Variants in KCNH7 observed in about 807,000 individuals in gnomAD.
KCNH7 encodes potassium voltage-gated channel subfamily H member 7, also known as voltage-gated inwardly rectifying potassium channel KCNH7.
Under a neutral mutation model 120.8 loss-of-function variants are expected in KCNH7, and 49 were observed. That is an observed-to-expected ratio of 0.41 (90% CI 0.32 to 0.51). The LOEUF (loss-of-function observed/expected upper bound fraction) is 0.51, where lower values mean the gene tolerates loss of function less well. Ranked by LOEUF, KCNH7 falls within the 20% of genes least tolerant of loss-of-function variation. The probability of loss-of-function intolerance (pLI) is 0.38; values close to 1 mark genes in which losing one functional copy is unlikely to be tolerated. For synonymous variants in KCNH7, 547 were observed against 516.1 expected (o/e 1.06, Z -0.81); for missense variants, 1,097 against 1,446.6 (o/e 0.76, Z 3.92).
intron 9 of KCNH7, among the ~76,000 whole-genome samples, chr2:162,404,828 A>T (rs1196900238): frequency 1.3e-5 from 2 of 152,060 alleles, no homozygotes; most frequent in Non-Finnish European, 2.9e-5. Flanking sequence ...CACTATGCTA[A>T]GCATGGGAGC....
At chr2:162,732,074 C>T (rs1476080845) in intron 2 of KCNH7, among the ~76,000 whole-genome samples, 1 of 152,116 alleles carries the variant, frequency 6.6e-6, no homozygotes, top group Non-Finnish European at 1.5e-5. Flanking sequence ...GGATACCTTG[C>T]TCTCCTCTGT....
chr2:162,541,315 C>G (rs1692295426), intron 2 of KCNH7, among the ~76,000 whole-genome samples: 1 of 151,972 alleles, frequency 6.6e-6, no homozygotes, highest in Non-Finnish European at 1.5e-5. Flanking sequence ...TGACCTGAGT[C>G]TGGAGGCACC....
At chr2:162,412,306 T>A (rs1364895825) in intron 9 of KCNH7, among the ~76,000 whole-genome samples, 1 of 152,052 alleles carries the variant, frequency 6.6e-6, no homozygotes, top group African/African-American at 2.4e-5. Flanking sequence ...TTGAACTGGA[T>A]TTTGTTTTTT....
intron 7 of KCNH7, among the ~76,000 whole-genome samples, chr2:162,439,007 G>A (rs1255392666): frequency 6.6e-6 from 1 of 152,062 alleles, no homozygotes; most frequent in Non-Finnish European, 1.5e-5. Flanking sequence ...TTACCTGCAA[G>A]TGAAACAGGA....
At chr2:162,722,116 G>T (rs970343638) in intron 2 of KCNH7, among the ~76,000 whole-genome samples, 2 of 151,844 alleles carry the variant, frequency 1.3e-5, no homozygotes, top group African/African-American at 4.8e-5. Flanking sequence ...ATAAGCACAC[G>T]GGATGAAAGA....
intron 6 of KCNH7, among the ~76,000 whole-genome samples, chr2:162,462,980 AC>A (rs1364146577): frequency 4.6e-5 from 7 of 152,086 alleles, no homozygotes; most frequent in African/African-American, 1.7e-4. Flanking sequence ...AAATTCAGTT[AC>A]TAAGTAGCCT....
chr2:162,780,427 A>G lies in KCNH7; in HGVS notation c.307+56110T>C, dbSNP rs1407421036. 5.9e-5 allele frequency among the ~76,000 whole-genome samples: 9 copies of G among 152,264 alleles called. No individual in the cohort carries two copies. In the East Asian group the frequency reaches 1.4e-3, roughly 23 times the overall value. On this transcript the variant is annotated intron_variant, in intron 2 of 15. Transcript: ENST00000332142. ...TCCTAATCATTTACTACCACTACAA[A>G]AAGTGATGCACTGAATAACAGCGTG...
At chr2:162,488,016 G>C (rs1212167160) in intron 6 of KCNH7, among the ~76,000 whole-genome samples, 2 of 152,188 alleles carry the variant, frequency 1.3e-5, no homozygotes, top group Non-Finnish European at 2.9e-5. Flanking sequence ...TGAACTATGT[G>C]TTTGTCCCAA....
At chr2:162,380,847 C>T (rs1686393689) in intron 13 of KCNH7, among the ~76,000 whole-genome samples, 1 of 152,122 alleles carries the variant, frequency 6.6e-6, no homozygotes, top group African/African-American at 2.4e-5. Flanking sequence ...TTGAAGAATT[C>T]AGTCTAGCAG....
At chr2:162,429,863 C>T (rs1443754022) in intron 8 of KCNH7, among the ~76,000 whole-genome samples, 1 of 151,010 alleles carries the variant, frequency 6.6e-6, no homozygotes, top group Non-Finnish European at 1.5e-5. Flanking sequence ...AAATTTCTAT[C>T]ATTAAAAAAA....
At chr2:162,432,172 T>A (rs955792745) in intron 8 of KCNH7, among the ~76,000 whole-genome samples, 1 of 152,012 alleles carries the variant, frequency 6.6e-6, no homozygotes, top group Non-Finnish European at 1.5e-5. Context: ...ATGACCCCTA[T>A]AAAGTGTTTA....
intron 2 of KCNH7, among the ~76,000 whole-genome samples, chr2:162,685,722 A>G (rs1477358490): frequency 1.3e-5 from 2 of 152,066 alleles, no homozygotes; most frequent in African/African-American, 2.4e-5. Flanking sequence ...TTAGAAAAAA[A>G]AAAAGTCAGA....
chr2:162,636,967 C>T (rs975300483), intron 2 of KCNH7, among the ~76,000 whole-genome samples: 1 of 152,126 alleles, frequency 6.6e-6, no homozygotes, highest in Non-Finnish European at 1.5e-5. Flanking sequence ...CCACCCTCCC[C>T]ACCATTCTTT....
At chr2:162,625,388 C>T (rs1188258112) in intron 2 of KCNH7, among the ~76,000 whole-genome samples, 2 of 152,120 alleles carry the variant, frequency 1.3e-5, no homozygotes, top group Admixed American at 1.3e-4. Context: ...GCACTTAGGA[C>T]TTTACCCAGT....
chr2:162,828,073 A>G (rs1267056687), intron 2 of KCNH7, among the ~76,000 whole-genome samples: 2 of 152,158 alleles, frequency 1.3e-5, no homozygotes, highest in Admixed American at 1.3e-4. Context: ...ATTAAAGAAA[A>G]CAGATAGTGT....
intron 2 of KCNH7, among the ~76,000 whole-genome samples, chr2:162,694,767 G>A (rs1056334871): frequency 6.0e-5 from 9 of 150,594 alleles, no homozygotes; most frequent in Admixed American, 2.0e-4. Context: ...TTTTTTAGAC[G>A]GAGTCTCGCT....
At chr2:162,697,441 A>G (rs1286150171) in intron 2 of KCNH7, among the ~76,000 whole-genome samples, 1 of 152,208 alleles carries the variant, frequency 6.6e-6, no homozygotes, top group African/African-American at 2.4e-5. Context: ...TTGTAAATTG[A>G]TAAAGAATGG....
chr2:162,649,008 T>A (rs1684477437), intron 2 of KCNH7, among the ~76,000 whole-genome samples: 1 of 152,248 alleles, frequency 6.6e-6, no homozygotes, highest in Non-Finnish European at 1.5e-5. Context: ...TTGTTTCACA[T>A]GTCATTCTTG....
chr2:162,708,240 G>A (rs967950851), intron 2 of KCNH7, among the ~76,000 whole-genome samples: 1 of 151,948 alleles, frequency 6.6e-6, no homozygotes, highest in Non-Finnish European at 1.5e-5. Context: ...GTCAGGATGG[G>A]AGTCCTTAAG....
Sources: gnomAD v4.1 joint callset for allele counts (sites outside exome capture counted in the v4.1 genomes callset) on GRCh38, gnomAD v4.1.1 for gene constraint, MANE v1.5 for transcripts, NCBI Gene and HGNC (gene_info 2026-07-23, HGNC 2026-07-21) for gene names.